DPP10: variants seen among roughly 807,000 people sequenced by gnomAD.
The protein encoded by DPP10 is dipeptidyl peptidase like 10.
A neutral mutation model predicts 120.9 loss-of-function variants in DPP10; 33 were observed. That is an observed-to-expected ratio of 0.27 (90% CI 0.21 to 0.37). The LOEUF (loss-of-function observed/expected upper bound fraction) is 0.37, where lower values mean the gene tolerates loss of function less well. Among genes scored for constraint, DPP10 ranks in the 10% least tolerant of loss-of-function variants. The pLI, the probability that DPP10 is intolerant of heterozygous loss-of-function variation, is 1.00. For missense variants in DPP10, 816 were observed against 942.8 expected, an observed-to-expected ratio of 0.87 and a Z score of 1.76; for synonymous variants, 337 against 326.1, an observed-to-expected ratio of 1.03 and a Z score of -0.36.
chr2:114,467,375 A>T (rs1164972087), intron 1 of DPP10, among the ~76,000 whole-genome samples: 1 of 152,240 alleles, frequency 6.6e-6, no homozygotes. Flanking sequence ...ATTGCCAGGC[A>T]GAAACATGCG....
intron 1 of DPP10, among the ~76,000 whole-genome samples, chr2:114,563,180 T>A: frequency 6.6e-6 from 1 of 152,206 alleles, no homozygotes; most frequent in East Asian, 1.9e-4. Context: ...GAGACCATCC[T>A]GGCCAACATG....
chr2:115,692,428 T>C (rs907960389), intron 7 of DPP10, among the ~76,000 whole-genome samples: 3 of 152,066 alleles, frequency 2.0e-5, no homozygotes, highest in African/African-American at 7.2e-5. Flanking sequence ...GTGATTTTTT[T>C]CTTTAGTTGT....
chr2:114,516,767 A>G (rs1386777392), intron 1 of DPP10, among the ~76,000 whole-genome samples: 1 of 152,258 alleles, frequency 6.6e-6, no homozygotes, highest in Non-Finnish European at 1.5e-5. Flanking sequence ...TCATTAAAAA[A>G]TATAAATGGA....
At chr2:114,974,202 C>T (rs1261939137) in intron 1 of DPP10, among the ~76,000 whole-genome samples, 1 of 152,146 alleles carries the variant, frequency 6.6e-6, no homozygotes. Flanking sequence ...CTTACTAAGT[C>T]CTGCAAGCTC....
At chr2:115,275,305 C>G (rs2105836552) in intron 1 of DPP10, among the ~76,000 whole-genome samples, 1 of 152,324 alleles carries the variant, frequency 6.6e-6, no homozygotes, top group South Asian at 2.1e-4. Context: ...CTTTATCTCT[C>G]TCTAGCTAGC....
chr2:114,706,924 T>G (rs1054605637), intron 1 of DPP10, among the ~76,000 whole-genome samples: 1 of 151,664 alleles, frequency 6.6e-6, no homozygotes, highest in Non-Finnish European at 1.5e-5. Flanking sequence ...ATTTTCTTCA[T>G]CTAAGGAAAT....
At chr2:115,186,952 C>T (rs1207145789) in intron 1 of DPP10, among the ~76,000 whole-genome samples, 2 of 147,388 alleles carry the variant, frequency 1.4e-5, no homozygotes, top group African/African-American at 5.0e-5. Context: ...AGGACCTGGA[C>T]TCAAATCATG....
chr2:114,566,996 C>T (rs751761503), intron 1 of DPP10, among the ~76,000 whole-genome samples: 3 of 152,164 alleles, frequency 2.0e-5, no homozygotes, highest in Non-Finnish European at 4.4e-5. Context: ...CATTACAGCA[C>T]CAGAGTGGGC....
intron 1 of DPP10, among the ~76,000 whole-genome samples, chr2:114,943,620 T>C (rs1268053112): frequency 6.6e-6 from 1 of 152,208 alleles, no homozygotes; most frequent in Non-Finnish European, 1.5e-5. Context: ...TCATTTGGGT[T>C]GGTTCCAAGT....
chr2:114,583,054 C>T (rs1050071506), intron 1 of DPP10, among the ~76,000 whole-genome samples: 4 of 152,212 alleles, frequency 2.6e-5, no homozygotes, highest in African/African-American at 7.2e-5. Flanking sequence ...TTTGAGAACA[C>T]TTGCTCTGCT....
chr2:114,697,798 T>C (rs963859767), intron 1 of DPP10, among the ~76,000 whole-genome samples: 1 of 151,460 alleles, frequency 6.6e-6, no homozygotes, highest in African/African-American at 2.4e-5. Flanking sequence ...GTTATTATTA[T>C]TCTGTAGGAG....
intron 21 of DPP10, among the ~76,000 whole-genome samples, chr2:115,828,162 G>A (rs1321157927): frequency 6.6e-6 from 1 of 151,580 alleles, no homozygotes; most frequent in Non-Finnish European, 1.5e-5. Flanking sequence ...AAAAGTTTTA[G>A]GTTGACATTT....
Position 114,748,355 on chromosome 2 carries a change from T to A in DPP10, c.60+305517T>A, listed in dbSNP as rs1204658664. Among the ~76,000 whole-genome samples, 6 of 134,386 alleles carry A rather than the reference T, an allele frequency of 4.5e-5. 1 individual carries two copies. Among genetic ancestry groups the A allele is most frequent in the African/African-American group, 1.8e-4 (6 of 33,606 alleles). The allele number at this position is 134,386 out of a possible 152,430, so 88.2% of individuals were successfully genotyped here. On this transcript the variant is annotated intron_variant, in intron 1 of 25. Coordinates refer to ENST00000410059, the MANE Select transcript of DPP10 (RefSeq NM_020868.6). ...GGAATTTTCTTTTTTTTTTTTATTT[T>A]TTTTTATTTTATTTATTTATTTATT...
chr2:115,158,176 A>G (rs2052048358), intron 1 of DPP10, among the ~76,000 whole-genome samples: 1 of 152,206 alleles, frequency 6.6e-6, no homozygotes, highest in Non-Finnish European at 1.5e-5. Flanking sequence ...AGGATTAAAT[A>G]CTGCATAGAT....
At chr2:115,328,818 T>C (rs112287044) in intron 2 of DPP10, among the ~76,000 whole-genome samples, 8,641 of 152,150 alleles carry the variant, frequency 0.057, 342 homozygotes, top group Middle Eastern at 0.099. Flanking sequence ...AGTCCAACTC[T>C]TGGTCTTTGC....
At chr2:115,351,341 A>G (rs549465371) in intron 3 of DPP10, among the ~76,000 whole-genome samples, 4 of 152,168 alleles carry the variant, frequency 2.6e-5, no homozygotes, top group Middle Eastern at 3.4e-3. Context: ...AGACGTAACG[A>G]TAGGAACAAC....
chr2:115,345,033 A>G (rs2063641214), intron 3 of DPP10, among the ~76,000 whole-genome samples: 1 of 152,212 alleles, frequency 6.6e-6, no homozygotes, highest in Non-Finnish European at 1.5e-5. Context: ...AGGCCAAATC[A>G]CGTGTGTTTA....
rs13403447 is a variant in DPP10, at chr2:115,727,947, C to A, written c.697+11C>A. On this transcript the variant is annotated intron_variant, in intron 8 of 25. Coordinates refer to ENST00000410059, the MANE Select transcript of DPP10 (RefSeq NM_020868.6). The stretch of plus-strand genomic sequence containing the variant: ...ACTGGTTATATGAAGGTGAGTTGAT[C>A]AGATTTAGTTTCAAAGGAAACAAAT... The A allele has an allele frequency of 6.3e-7, 1 of 1,591,590 alleles. No individual in the cohort carries two copies. Among genetic ancestry groups the A allele is most frequent in the South Asian group, 1.2e-5 (1 of 85,874 alleles).
intron 10 of DPP10, among the ~76,000 whole-genome samples, chr2:115,747,871 G>A (rs112092203): frequency 1.1e-4 from 17 of 152,222 alleles, no homozygotes; most frequent in African/African-American, 3.9e-4. Context: ...GGGATTACAG[G>A]CATGAGCCAC....
Sources: gnomAD v4.1 joint callset for allele counts (sites outside exome capture counted in the v4.1 genomes callset) on GRCh38, gnomAD v4.1.1 for gene constraint, MANE v1.5 for transcripts, NCBI Gene and HGNC (gene_info 2026-07-23, HGNC 2026-07-21) for gene names.